Variants in ERN1 observed in about 807,000 individuals in gnomAD.
The protein encoded by ERN1 is endoplasmic reticulum to nucleus signaling 1.
ERN1 carries 39 observed loss-of-function variants against 113.1 expected under a neutral mutation model. The ratio of observed to expected loss-of-function variants is 0.34; its 90% CI spans 0.27 to 0.45. The LOEUF is 0.45. ERN1 is among the 20% of genes least tolerant of loss of function. The pLI, the probability that ERN1 is intolerant of heterozygous loss-of-function variation, is 1.00. For synonymous variants in ERN1, 507 were observed against 515.9 expected, an observed-to-expected ratio of 0.98 and a Z score of 0.23; for missense variants, 976 against 1,274.8, an observed-to-expected ratio of 0.77 and a Z score of 3.57.
intron 1 of ERN1, among the ~76,000 whole-genome samples, chr17:64,128,481 G>C (rs1915142081): frequency 6.6e-6 from 1 of 152,018 alleles, no homozygotes; most frequent in South Asian, 2.1e-4. Context: ...TGGCTCTTTA[G>C]CCTAAGTTAT....
chr17:64,089,365 G>A (rs139173768), intron 2 of ERN1, among the ~76,000 whole-genome samples: 256 of 148,370 alleles, frequency 1.7e-3, no homozygotes, highest in African/African-American at 5.9e-3. Context: ...GACACAGGGT[G>A]AGCATCCCAA....
chr17:64,086,116 C>T (rs937266988), intron 2 of ERN1, among the ~76,000 whole-genome samples: 7 of 152,196 alleles, frequency 4.6e-5, no homozygotes, highest in Non-Finnish European at 7.3e-5. Context: ...CCTATAAACA[C>T]AAAAACCTCT....
chr17:64,098,620 C>T, intron 1 of ERN1: 6 of 527,798 alleles, frequency 1.1e-5, no homozygotes, highest in African/African-American at 1.9e-5. Context: ...AAAAAGAATG[C>T]CAATACCCAC....
chr17:64,127,590 CT>C (rs1455108675), intron 1 of ERN1, among the ~76,000 whole-genome samples: 7 of 152,082 alleles, frequency 4.6e-5, no homozygotes, highest in African/African-American at 1.4e-4. Context: ...CACGTCTCTA[CT>C]AAAAATACAA....
chr17:64,084,859 C>A (rs577538655), intron 2 of ERN1, among the ~76,000 whole-genome samples: 13 of 152,320 alleles, frequency 8.5e-5, no homozygotes, highest in African/African-American at 3.1e-4. Context: ...CCTGCCCATG[C>A]CTCAGGACCT....
chr17:64,086,495 A>G (rs1913928238), intron 2 of ERN1, among the ~76,000 whole-genome samples: 1 of 152,002 alleles, frequency 6.6e-6, no homozygotes, highest in Admixed American at 6.6e-5. Flanking sequence ...AGAATTTACC[A>G]CAATCTGTTT....
At chr17:64,075,075 G>C in intron 5 of ERN1, 100 bp downstream of exon 5, 1 of 974,082 alleles carries the variant, frequency 1.0e-6, no homozygotes, top group Non-Finnish European at 1.6e-6. Flanking sequence ...AGAAAGGGTT[G>C]GCAAGGCGGT....
At chr17:64,048,814 A>G (rs200276624) in intron 18 of ERN1, among the ~76,000 whole-genome samples, 5 of 34,020 alleles carry the variant, frequency 1.5e-4, no homozygotes, top group Non-Finnish European at 1.2e-3. Context: ...CCTAGGTCAC[A>G]CAAGTAGTTG....
chr17:64,072,533 T>C (rs774958590), intron 5 of ERN1, among the ~76,000 whole-genome samples: 34 of 152,236 alleles, frequency 2.2e-4, no homozygotes, highest in Admixed American at 8.5e-4. Flanking sequence ...ACCTCCCTAA[T>C]AACCAGCCAC....
intron 2 of ERN1, among the ~76,000 whole-genome samples, chr17:64,088,899 T>C (rs1567876223): frequency 6.6e-6 from 1 of 152,166 alleles, no homozygotes; most frequent in Non-Finnish European, 1.5e-5. Context: ...AAGTGTGACA[T>C]GTTCCTCCTG....
intron 1 of ERN1, among the ~76,000 whole-genome samples, chr17:64,122,558 A>AC (rs1485971152): frequency 1.3e-5 from 2 of 152,228 alleles, no homozygotes. Flanking sequence ...CAAAGAATAT[A>AC]CTTTTGAATC....
In ERN1 at chr17:64,063,987, T is replaced by A. The variant is rs770048584; in HGVS notation, c.1086A>T (p.Ile362=). The change falls in exon 10 of 22, where the codon ATA becomes ATT. Residue 362 remains isoleucine, a splice_region_variant and synonymous_variant. Coordinates refer to ENST00000433197, the MANE Select transcript of ERN1 (RefSeq NM_001433.5). This position sits in a 1 kb window ranked among gnomAD's most constrained non-coding sequence, Gnocchi z 5.1. ...CTACTGTGGGAGACCTGCTCTTACC[T>A]ATCAGAAGCCAGTAATTCCTCAAGT... ...LNYLRNYWLL[I]GHHETPLSAS... is the part of the protein sequence containing the mutation. 1 of 1,613,784 alleles carries A rather than the reference T, an allele frequency of 6.2e-7. No homozygotes were observed. The highest frequency in any genetic ancestry group is 8.5e-7 in the Non-Finnish European group (1 of 1,179,790).
At chr17:64,077,320 A>G (rs1598063137) in intron 4 of ERN1, among the ~76,000 whole-genome samples, 2 of 152,260 alleles carry the variant, frequency 1.3e-5, no homozygotes, top group East Asian at 3.8e-4. Flanking sequence ...ATACGCAAAC[A>G]GAAAAGCACT....
In ERN1 at chr17:64,106,998, C is replaced by T. The variant is rs143520271; in HGVS notation, c.55-8757G>A. On this transcript the variant is annotated intron_variant, in intron 1 of 21. Transcript: ENST00000433197. Reference sequence around the variant, plus strand: ...AATATTATCTGTCTCAGACTATAAACTCAAAGCCTGGGCATTTGTGATTCT... The same window carrying T: ...AATATTATCTGTCTCAGACTATAAATTCAAAGCCTGGGCATTTGTGATTCT... Among the ~76,000 whole-genome samples, 753 of 152,264 alleles carry T rather than the reference C, an allele frequency of 4.9e-3. 3 individuals carry two copies. Among genetic ancestry groups the T allele is most frequent in the Non-Finnish European group, 8.8e-3 (599 of 68,022 alleles).
At position 64,129,986 on chromosome 17, in the gene ERN1, G is replaced by GGCAGCAGCAGCGTCAGCAGCA. The variant is rs1408693027; in HGVS notation, c.23_43dup (p.Leu8_Leu14dup). On this transcript the variant is annotated inframe_insertion, in exon 1 of 22. Coordinates refer to ENST00000433197, the MANE Select transcript of ERN1 (RefSeq NM_001433.5). Reference sequence around the variant, plus strand: ...TCCCCGGTCACTCACCCCGAGGCCGGGCAGCAGCAGCGTCAGCAGCAGCAG... The same window carrying GGCAGCAGCAGCGTCAGCAGCA: ...TCCCCGGTCACTCACCCCGAGGCCGGGCAGCAGCAGCGTCAGCAGCAGCAGCAGCAGCGTCAGCAGCAGCAG... 1 of 1,449,292 alleles carries GGCAGCAGCAGCGTCAGCAGCA rather than the reference G, an allele frequency of 6.9e-7. No individual in the cohort carries two copies. The highest frequency in any genetic ancestry group is 1.5e-5 in the African/African-American group (1 of 67,644). 89.8% of individuals were successfully genotyped at this position (1,449,292 alleles called of 1,614,324 possible). A position where few individuals can be genotyped will look rare whatever the true frequency, so the allele number is the denominator to read the frequency against.
chr17:64,116,122 T>C (rs1914796716), intron 1 of ERN1, among the ~76,000 whole-genome samples: 1 of 152,172 alleles, frequency 6.6e-6, no homozygotes, highest in Non-Finnish European at 1.5e-5. Context: ...AGAAATACCA[T>C]GAAAATCAAC....
chr17:64,067,585 G>A (rs1396326131), intron 7 of ERN1, among the ~76,000 whole-genome samples: 1 of 145,652 alleles, frequency 6.9e-6, no homozygotes, highest in Non-Finnish European at 1.5e-5. Context: ...ACATCCTGGG[G>A]AACAGAGGGA....
At chr17:64,117,893 T>C (rs762890826) in intron 1 of ERN1, among the ~76,000 whole-genome samples, 7 of 152,190 alleles carry the variant, frequency 4.6e-5, no homozygotes, top group Non-Finnish European at 8.8e-5. Context: ...ACCAACTAGG[T>C]AGAAGTTCCA....
chr17:64,045,168 C>T (rs1441138521), intron 20 of ERN1, among the ~76,000 whole-genome samples, 191 bp downstream of exon 20: 3 of 152,134 alleles, frequency 2.0e-5, no homozygotes, highest in Admixed American at 6.5e-5. Context: ...ACTCACCTGT[C>T]ACTCTAGGGA....
Sources: gnomAD v4.1 joint callset for allele counts (sites outside exome capture counted in the v4.1 genomes callset) on GRCh38, gnomAD v4.1.1 for gene constraint, Gnocchi (gnomAD v3.1) non-coding constraint, MANE v1.5 for transcripts, NCBI Gene and HGNC (gene_info 2026-07-23, HGNC 2026-07-21) for gene names.